Variants in STOX2 observed in about 807,000 individuals in gnomAD.
The protein encoded by STOX2 is storkhead-box protein 2.
STOX2 carries 28 observed loss-of-function variants against 60.9 expected under a neutral mutation model. That is an observed-to-expected ratio of 0.46 (90% CI 0.34 to 0.63). STOX2 has a LOEUF of 0.63. STOX2 is among the 30% of genes least tolerant of loss of function. The probability of loss-of-function intolerance (pLI) is 0.01; values close to 1 mark genes in which losing one functional copy is unlikely to be tolerated. For synonymous variants in STOX2, 472 were observed against 463.9 expected (o/e 1.02, Z -0.22); for missense variants, 1,024 against 1,187.7 (o/e 0.86, Z 2.03).
intron 1 of STOX2, among the ~76,000 whole-genome samples, chr4:183,999,632 G>A (rs1374107764): frequency 6.6e-6 from 1 of 152,190 alleles, no homozygotes; most frequent in Non-Finnish European, 1.5e-5. Flanking sequence ...TGAGCCTTGG[G>A]CACTGGAGTC....
chr4:183,866,720 C>T (rs907733813), intron 1 of STOX2, among the ~76,000 whole-genome samples: 2 of 152,110 alleles, frequency 1.3e-5, no homozygotes, highest in African/African-American at 4.8e-5. Flanking sequence ...GTTTTTGGAG[C>T]TCCTAGACAG....
intron 1 of STOX2, among the ~76,000 whole-genome samples, chr4:183,818,615 C>G (rs889187121): frequency 1.3e-5 from 2 of 152,260 alleles, no homozygotes; most frequent in Non-Finnish European, 2.9e-5. Context: ...GTTGAGTACA[C>G]CTCCCAGACG....
chr4:183,889,720 G>C (rs1372170454), intron 1 of STOX2, among the ~76,000 whole-genome samples: 1 of 152,218 alleles, frequency 6.6e-6, no homozygotes, highest in Non-Finnish European at 1.5e-5. Context: ...GCTGGGGCAC[G>C]GCAGGCCTGA....
At chr4:183,866,651 T>C (rs930085241) in intron 1 of STOX2, among the ~76,000 whole-genome samples, 3 of 152,224 alleles carry the variant, frequency 2.0e-5, no homozygotes, top group Admixed American at 6.5e-5. Context: ...CCTTTCATTG[T>C]TCTTTATCTT....
intron 1 of STOX2, among the ~76,000 whole-genome samples, chr4:183,909,364 G>A (rs1012813088): frequency 6.6e-6 from 1 of 152,194 alleles, no homozygotes; most frequent in Admixed American, 6.5e-5. Context: ...AAAATATTGA[G>A]TAGAAAATGA....
chr4:183,989,138 A>G (rs1290591205), intron 1 of STOX2, among the ~76,000 whole-genome samples: 1 of 148,238 alleles, frequency 6.7e-6, no homozygotes, highest in Non-Finnish European at 1.5e-5. Flanking sequence ...TGAGGGAGGC[A>G]TTCAGTAAAT....
chr4:183,936,285 CGTGTAG>C (rs1242935640), intron 1 of STOX2, among the ~76,000 whole-genome samples: 1 of 152,158 alleles, frequency 6.6e-6, no homozygotes, highest in Non-Finnish European at 1.5e-5. Context: ...GCTATAGCCT[CGTGTAG>C]CCTAGCCTAG....
intron 1 of STOX2, among the ~76,000 whole-genome samples, chr4:183,850,021 T>A (rs1460553387): frequency 6.6e-6 from 1 of 152,110 alleles, no homozygotes; most frequent in Non-Finnish European, 1.5e-5. Flanking sequence ...TGTAGTGCAG[T>A]GGCAAGATCT....
At chr4:183,876,117 G>C (rs1290448633) in intron 1 of STOX2, among the ~76,000 whole-genome samples, 1 of 152,204 alleles carries the variant, frequency 6.6e-6, no homozygotes, top group Non-Finnish European at 1.5e-5. Context: ...TTCTCCAAGA[G>C]GTGCAGATCT....
chr4:184,000,193 A>G (rs901769523), intron 1 of STOX2, among the ~76,000 whole-genome samples: 2 of 152,154 alleles, frequency 1.3e-5, no homozygotes, highest in African/African-American at 4.8e-5. Flanking sequence ...GGGCACCTCC[A>G]TCCCAGAAAT....
At chr4:183,802,675 G>A (rs981032170) in intron 1 of STOX2, among the ~76,000 whole-genome samples, 1 of 150,468 alleles carries the variant, frequency 6.6e-6, no homozygotes, top group Non-Finnish European at 1.5e-5. Context: ...GTGCGATCTC[G>A]GCTCATTGCA....
intron 1 of STOX2, among the ~76,000 whole-genome samples, chr4:183,813,882 A>G (rs1043718570): frequency 6.6e-6 from 1 of 152,230 alleles, no homozygotes; most frequent in Non-Finnish European, 1.5e-5. Context: ...TTATAAGTTG[A>G]AAAAACTCTT....
intron 1 of STOX2, among the ~76,000 whole-genome samples, chr4:183,990,214 A>G (rs1412757306): frequency 1.3e-5 from 2 of 152,162 alleles, no homozygotes; most frequent in Non-Finnish European, 2.9e-5. Flanking sequence ...ACACCCATCA[A>G]TTCTACCCAT....
At chr4:183,899,536 A>G (rs1741418944) in intron 1 of STOX2, among the ~76,000 whole-genome samples, 1 of 152,258 alleles carries the variant, frequency 6.6e-6, no homozygotes, top group South Asian at 2.1e-4. Context: ...TGGTCTGGAC[A>G]GAAGACCAAG....
chr4:183,891,292 TGGAATATATATATATATCTATG>T (rs1343944940), intron 1 of STOX2, among the ~76,000 whole-genome samples: 1 of 8,548 alleles, frequency 1.2e-4, no homozygotes, highest in Non-Finnish European at 5.1e-4. Context: ...GTGTATATGA[TGGAATATATATATATATCTATG>T]ATGGAATATA....
intron 1 of STOX2, among the ~76,000 whole-genome samples, chr4:183,857,152 A>C (rs1190206795): frequency 2.0e-5 from 3 of 152,056 alleles, no homozygotes; most frequent in African/African-American, 7.2e-5. Context: ...ATCCCGCAGG[A>C]CTGGTTATCC....
rs1180888793 is a variant in STOX2 at position 183,856,668 on chromosome 4, C to T, written c.364+58613C>T. ...AGTTAGCTGTCTCGGACTCGGACCCCGGGGGATGATAGCTCCCTTGCCCAA... is the reference window on the plus strand; with the variant it reads ...AGTTAGCTGTCTCGGACTCGGACCCTGGGGGATGATAGCTCCCTTGCCCAA... On this transcript the variant is annotated intron_variant, in intron 1 of 2. Coordinates refer to the STOX2 transcript ENST00000513034. The surrounding 1 kb of genome is among the most constrained non-coding windows in gnomAD (Gnocchi z 4.0). Among the ~76,000 whole-genome samples, 2 of 152,096 alleles carry T rather than the reference C, an allele frequency of 1.3e-5. No individual in the cohort carries two copies. Among genetic ancestry groups the T allele is most frequent in the Non-Finnish European group, 2.9e-5 (2 of 68,024 alleles).
At chr4:183,811,306 C>G (rs556135611) in intron 1 of STOX2, among the ~76,000 whole-genome samples, 3 of 152,100 alleles carry the variant, frequency 2.0e-5, no homozygotes, top group Non-Finnish European at 4.4e-5. Context: ...ATGTTAGATC[C>G]AGAATTCAAA....
chr4:183,904,534 C>T (rs979519815), upstream of STOX2, among the ~76,000 whole-genome samples: 1 of 152,272 alleles, frequency 6.6e-6, no homozygotes, highest in Admixed American at 6.5e-5. Flanking sequence ...GTGCCTTTCC[C>T]AATTAAAAAT....
Sources: allele counts gnomAD v4.1 joint callset (sites outside exome capture counted in the v4.1 genomes callset), GRCh38; gene constraint gnomAD v4.1.1; non-coding constraint Gnocchi (gnomAD v3.1); transcripts MANE v1.5; gene names NCBI Gene and HGNC (gene_info 2026-07-23, HGNC 2026-07-21).